IL5RA: variants seen among roughly 807,000 people sequenced by gnomAD.
IL5RA encodes interleukin 5 receptor subunit alpha, also known as interleukin-5 receptor subunit alpha.
In IL5RA, 49 loss-of-function variants were observed where a neutral mutation model predicts 50.0. The ratio of observed to expected loss-of-function variants is 0.98; its 90% confidence interval spans 0.78 to 1.24. The LOEUF (loss-of-function observed/expected upper bound fraction) is 1.24, where lower values mean the gene tolerates loss of function less well. Ranked by LOEUF, IL5RA falls within the 50% of genes most tolerant of loss-of-function variation. IL5RA has a pLI of 0.00. For missense variants in IL5RA, 600 were observed against 500.4 expected (o/e 1.20, Z -1.90); for synonymous variants, 202 against 174.0 (o/e 1.16, Z -1.26).
chr3:3,094,612 G>A (rs1393457600), intron 8 of IL5RA, among the ~76,000 whole-genome samples: 1 of 152,126 alleles, frequency 6.6e-6, no homozygotes, highest in Admixed American at 6.5e-5. Flanking sequence ...CGATTCTTTT[G>A]TATATGTAAT....
chr3:3,099,672 TA>T lies in IL5RA; in HGVS notation c.368-1383del, dbSNP rs1242547653. Reference sequence around the variant, plus strand: ...ATTTTATTTTATTTATTATTATTATTATTATTATTATTATTTGGAAACAGAG... The same window carrying T: ...ATTTTATTTTATTTATTATTATTATTTTATTATTATTATTTGGAAACAGAG... On this transcript the variant is annotated intron_variant, in intron 5 of 11. Coordinates refer to ENST00000446632, the MANE Select transcript of IL5RA (RefSeq NM_175726.4). 4.7e-5 allele frequency among the ~76,000 whole-genome samples: 7 copies of T among 149,220 alleles called. 1 individual carries two copies. The South Asian group carries it at 1.5e-3, about 31-fold the overall frequency.
Position 3,097,856 on chromosome 3 carries a change from TA to T in IL5RA, c.709+13del. 6.2e-7 allele frequency: 1 copy of T among 1,604,420 alleles called. No individual in the cohort carries two copies. The highest frequency in any genetic ancestry group is 8.5e-7 in the Non-Finnish European group (1 of 1,173,490). ...AGATTCAGTTATTTCAGCTTTGGGT[TA>T]AGTCGGTCTTACCAATGGCGTGAAG... On this transcript the variant is annotated intron_variant, in intron 7 of 11. Coordinates refer to ENST00000446632, the MANE Select transcript of IL5RA (RefSeq NM_175726.4).
Position 3,104,890 on chromosome 3 carries a change from A to G in IL5RA, c.82+13T>C. 3 of 1,521,100 alleles carry G rather than the reference A, an allele frequency of 2.0e-6. No individual in the cohort carries two copies. The highest frequency in any genetic ancestry group is 2.7e-6 in the Non-Finnish European group (3 of 1,098,244). 94.2% of individuals were successfully genotyped at this position (1,521,100 alleles called of 1,614,324 possible). ...AAAAATAAACATTATTGAATTGAAT[A>G]GAAGGTCCTTACTCTTTTCATCAGG... On this transcript the variant is annotated intron_variant, in intron 3 of 11. Transcript: ENST00000446632.
At chr3:3,086,298 CG>C in intron 9 of IL5RA, among the ~76,000 whole-genome samples, 1 of 152,018 alleles carries the variant, frequency 6.6e-6, no homozygotes. Flanking sequence ...TCATGGATGG[CG>C]GGAAGAAGAG....
At chr3:3,097,588 C>T (rs141900695) in intron 7 of IL5RA, among the ~76,000 whole-genome samples, 39 of 152,216 alleles carry the variant, frequency 2.6e-4, no homozygotes, top group African/African-American at 8.9e-4. Flanking sequence ...AGTCACAGCT[C>T]AAGGACAGAG....
rs1207244826 is a variant in IL5RA, at chr3:3,104,930, G to A, written c.55C>T (p.Gln19Ter). The change falls in exon 3 of 12, where the codon CAA (glutamine) becomes TAA (stop). Residue 19 changes from glutamine to a stop codon, truncating the protein, a stop_gained. Transcript: ENST00000446632. LOFTEE classifies it high-confidence loss of function. Reference protein sequence around the residue: ...LILLGATEILQADLLPDEKIS... With the variant: ...LILLGATEIL ...TTTTCATCAGGAAGTAAGTCAGCTT[G>A]CAGTATCTCAGTGGCCCCCAAAAGG... 1 of 1,612,096 alleles carries A rather than the reference G, an allele frequency of 6.2e-7. No individual in the cohort carries two copies. Among genetic ancestry groups the A allele is most frequent in the Admixed American group, 1.7e-5 (1 of 59,988 alleles).
intron 2 of IL5RA, 94 bp from the exon 3 acceptor site, chr3:3,105,081 C>A: frequency 2.6e-6 from 2 of 770,322 alleles, no homozygotes; most frequent in South Asian, 1.6e-5. Context: ...GTCGTTTGGC[C>A]ATTTAACAGA....
rs17884958 is a variant in IL5RA, at chr3:3,080,872, C to G, written c.995-4245G>C. Among the ~76,000 whole-genome samples the G allele has an allele frequency of 6.0e-3, 914 of 152,136 alleles. 8 individuals carry two copies. The highest frequency in any genetic ancestry group is 0.021 in the African/African-American group (872 of 41,490). On this transcript the variant is annotated intron_variant, in intron 9 of 11. Transcript: ENST00000446632. Reference sequence around the variant, plus strand: ...ACCATGCCTAGCTAATTTTTAAAATCTTTTGTAGAGATGGGGCCTCAGTAT... The same window carrying G: ...ACCATGCCTAGCTAATTTTTAAAATGTTTTGTAGAGATGGGGCCTCAGTAT...
At chr3:3,099,889 C>G (rs113060477) in intron 5 of IL5RA, among the ~76,000 whole-genome samples, 5 of 152,004 alleles carry the variant, frequency 3.3e-5, no homozygotes, top group Non-Finnish European at 5.9e-5. Context: ...AGGCTGGTCT[C>G]GAACACTTAA....
At position 3,096,592 on chromosome 3, in the gene IL5RA, A is replaced by G. The variant is rs17878612; in HGVS notation, c.710-1148T>C. On this transcript the variant is annotated intron_variant, in intron 7 of 11. Transcript: ENST00000446632. ...AATCAGCCTCAATAAAATGAAAATC[A>G]TAAAAGAAAAATGAATTCCTGTGGT... Among the ~76,000 whole-genome samples, 786 of 152,316 alleles carry G rather than the reference A, an allele frequency of 5.2e-3. 7 individuals carry two copies. Among genetic ancestry groups the G allele is most frequent in the African/African-American group, 0.017 (720 of 41,578 alleles).
intron 7 of IL5RA, among the ~76,000 whole-genome samples, chr3:3,096,618 CT>C (rs1432806445): frequency 1.3e-5 from 2 of 152,144 alleles, no homozygotes; most frequent in Non-Finnish European, 2.9e-5. Flanking sequence ...TTCCTGTGGT[CT>C]GTACTAGATC....
At chr3:3,071,272 G>C (rs922441414) in intron 11 of IL5RA, among the ~76,000 whole-genome samples, 2 of 152,126 alleles carry the variant, frequency 1.3e-5, no homozygotes, top group African/African-American at 4.8e-5. Flanking sequence ...CTAATTGGAG[G>C]AGGAACCCTC....
chr3:3,090,616 G>A (rs1455749979), intron 9 of IL5RA, among the ~76,000 whole-genome samples: 1 of 145,462 alleles, frequency 6.9e-6, no homozygotes, highest in African/African-American at 2.7e-5. Flanking sequence ...GCCCGGGCTG[G>A]AGTGCAGTGG....
intron 10 of IL5RA, among the ~76,000 whole-genome samples, chr3:3,075,515 T>C (rs907098308): frequency 2.0e-5 from 3 of 152,004 alleles, no homozygotes; most frequent in Non-Finnish European, 2.9e-5. Context: ...GTTTACTTTC[T>C]TTTCATCTCC....
chr3:3,107,681 T>G (rs1703992823), intron 2 of IL5RA, among the ~76,000 whole-genome samples: 1 of 152,214 alleles, frequency 6.6e-6, no homozygotes, highest in Non-Finnish European at 1.5e-5. Context: ...AATCATGATC[T>G]CATGATCTAC....
chr3:3,096,963 G>T (rs951960858), intron 7 of IL5RA, among the ~76,000 whole-genome samples: 16 of 152,298 alleles, frequency 1.1e-4, no homozygotes, highest in African/African-American at 3.8e-4. Context: ...TTTCAGATAA[G>T]AAGATTAGGC....
At chr3:3,097,654 C>T (rs1359875984) in intron 7 of IL5RA, among the ~76,000 whole-genome samples, 1 of 152,098 alleles carries the variant, frequency 6.6e-6, no homozygotes, top group Non-Finnish European at 1.5e-5. Flanking sequence ...AAATATCCTA[C>T]AGTGCCCAGC....
rs536926639 is a variant in IL5RA, at chr3:3,099,816, C to T, written c.368-1526G>A. Among the ~76,000 whole-genome samples, 21 of 151,936 alleles carry T rather than the reference C, an allele frequency of 1.4e-4. No individual in the cohort carries two copies. In the South Asian group the frequency reaches 2.3e-3, roughly 17 times the overall value. ...TCCCGAGTAACTGGGATTACAGGCA[C>T]GTGCCACCACACTCAGCTAATTTTT... is the stretch of plus-strand genomic sequence containing the variant. On this transcript the variant is annotated intron_variant, in intron 5 of 11. Transcript: ENST00000446632.
intron 8 of IL5RA, among the ~76,000 whole-genome samples, chr3:3,094,562 T>C (rs932855739): frequency 1.3e-5 from 2 of 152,224 alleles, no homozygotes; most frequent in Non-Finnish European, 2.9e-5. Context: ...AATGCTGCTA[T>C]GGACATGGGT....
Sources: allele counts gnomAD v4.1 joint callset (sites outside exome capture counted in the v4.1 genomes callset), GRCh38; gene constraint gnomAD v4.1.1; transcripts MANE v1.5; gene names NCBI Gene and HGNC (gene_info 2026-07-23, HGNC 2026-07-21).